The following SPAG5 variants were observed in gnomAD, a reference collection of about 807,000 sequenced individuals.
The protein encoded by SPAG5 is sperm-associated antigen 5.
Under a neutral mutation model 145.4 loss-of-function variants are expected in SPAG5, and 99 were observed. That is an observed-to-expected ratio of 0.68 (90% confidence interval 0.58 to 0.80). SPAG5 has a LOEUF of 0.80. Among genes scored for constraint, SPAG5 ranks in the 30% least tolerant of loss-of-function variants. The pLI is 0.00. For synonymous variants in SPAG5, 477 were observed against 525.4 expected, an observed-to-expected ratio of 0.91 and a Z score of 1.26; for missense variants, 1,192 against 1,416.0, an observed-to-expected ratio of 0.84 and a Z score of 2.54.
At position 28,578,482 on chromosome 17, in the gene SPAG5, G is replaced by A. The variant is rs143024358; in HGVS notation, c.3245C>T (p.Ala1082Val). Residue 1082 changes from alanine (A) to valine (V), a missense_variant, in exon 21 of 24, where the codon GCG (alanine) becomes GTG (valine). Transcript: ENST00000321765. The part of the protein sequence containing the change: ...VTHLTRSLRR[A>V]ETETKVLQEA... Reference sequence around the variant, plus strand: ...CTGGAGCACTTTGGTCTCTGTCTCCGCACGCCGAAGTGAGCGGGTAAGGTG... The same window carrying A: ...CTGGAGCACTTTGGTCTCTGTCTCCACACGCCGAAGTGAGCGGGTAAGGTG... 5,508 of 1,612,702 alleles carry A rather than the reference G, an allele frequency of 3.4e-3. 24 individuals are homozygous for A. The highest frequency in any genetic ancestry group is 8.0e-3 in the South Asian group (731 of 91,088).
Position 28,577,622 on chromosome 17 carries a change from T to C in SPAG5, c.*77A>G. 6.4e-6 allele frequency: 6 copies of C among 939,532 alleles called. No individual in the cohort carries two copies. Among genetic ancestry groups the C allele is most frequent in the East Asian group, 2.4e-5 (1 of 41,944 alleles). 58.2% of individuals were successfully genotyped at this position (939,532 alleles called of 1,614,324 possible). A position where few individuals can be genotyped will look rare whatever the true frequency, so the allele number is the denominator to read the frequency against. On this transcript the variant is annotated 3_prime_UTR_variant, in exon 24 of 24. Transcript: ENST00000321765. ...ATAGCATTTATCTCAGTTGGCTCTA[T>C]GCCAGTTGGTCTTGGTATTGGGGTA...
At chr17:28,579,615 T>A in intron 17 of SPAG5, 130 bp from the exon 18 acceptor site, 1 of 1,397,408 alleles carries the variant, frequency 7.2e-7, no homozygotes, top group Non-Finnish European at 1.0e-6. Context: ...ACATTACAGA[T>A]CCCAGAAGGC....
Position 28,599,010 on chromosome 17 carries a change from G to T in SPAG5, c.-64C>A. 1 of 1,530,632 alleles carries T rather than the reference G, an allele frequency of 6.5e-7. No individual in the cohort carries two copies. The highest frequency in any genetic ancestry group is 9.1e-7 in the Non-Finnish European group (1 of 1,104,782). 94.8% of individuals were successfully genotyped at this position (1,530,632 alleles called of 1,614,324 possible). On this transcript the variant is annotated 5_prime_UTR_variant, in exon 1 of 24. Coordinates refer to ENST00000321765, the MANE Select transcript of SPAG5 (RefSeq NM_006461.4). ...GTCGAGGACGCCATGTTCACCCGCC[G>T]TCTGTGTTTGAACCTGCTCTGCGCT...
intron 2 of SPAG5, among the ~76,000 whole-genome samples, chr17:28,595,637 T>G (rs2070658865): frequency 6.6e-6 from 1 of 151,466 alleles, no homozygotes; most frequent in Non-Finnish European, 1.5e-5. Flanking sequence ...TAATCCCAGC[T>G]ACTGGGGAGG....
intron 2 of SPAG5, 49 bp from the exon 3 acceptor site, chr17:28,593,115 C>A: frequency 6.3e-7 from 1 of 1,583,666 alleles, no homozygotes; most frequent in Non-Finnish European, 8.6e-7. Context: ...ATTCAGTTCC[C>A]GACATACAAT....
At position 28,593,723 on chromosome 17, in the gene SPAG5, C is replaced by CAA. The variant is rs544637496; in HGVS notation, c.178-659_178-658dup. On this transcript the variant is annotated intron_variant, in intron 2 of 23. Transcript: ENST00000321765. ...TGGGTGACAGAGCAAAACCCTGTCTCAAAAAAAAATAAATAAATAAATAAA... is the reference window on the plus strand; with the variant it reads ...TGGGTGACAGAGCAAAACCCTGTCTCAAAAAAAAAAATAAATAAATAAATAAA... Among the ~76,000 whole-genome samples the CAA allele has an allele frequency of 1.5e-3, 225 of 145,254 alleles. 1 individual carries two copies. The highest frequency in any genetic ancestry group is 5.5e-3 in the African/African-American group (214 of 39,262).
At chr17:28,593,181 A>C in intron 2 of SPAG5, 115 bp from the exon 3 acceptor site, 1 of 1,305,272 alleles carries the variant, frequency 7.7e-7, no homozygotes. Flanking sequence ...ACCTCTGCTT[A>C]GGTAAGAACT....
chr17:28,582,832 A>G (rs1367360933), intron 15 of SPAG5: 1 of 152,228 alleles, frequency 6.6e-6, no homozygotes, highest in African/African-American at 2.4e-5. Context: ...GGTTGAAGAG[A>G]CCAGGTATCC....
chr17:28,584,561 C>T (rs1413655141), intron 11 of SPAG5, 81 bp from the exon 12 acceptor site: 49 of 1,598,846 alleles, frequency 3.1e-5, no homozygotes, highest in Non-Finnish European at 3.8e-5. Context: ...GCAAGTGCTC[C>T]TGAGTACTTC....
intron 7 of SPAG5, 102 bp from the exon 8 acceptor site, chr17:28,585,755 G>A: frequency 6.2e-7 from 1 of 1,605,034 alleles, no homozygotes; most frequent in Non-Finnish European, 8.5e-7. Context: ...TACTGCCCAG[G>A]GCAGGCAGTT....
chr17:28,579,640 C>T, intron 17 of SPAG5, 111 bp downstream of exon 17: 2 of 1,385,818 alleles, frequency 1.4e-6, no homozygotes, highest in Non-Finnish European at 2.0e-6. Context: ...ATAAAATGAG[C>T]CCAAGTAGAA....
Position 28,578,470 on chromosome 17 carries a change from G to A in SPAG5, c.3257C>T (p.Thr1086Ile). ...TGCCAGGGCCTCCTGGAGCACTTTGGTCTCTGTCTCCGCACGCCGAAGTGA... is the reference window on the plus strand; with the variant it reads ...TGCCAGGGCCTCCTGGAGCACTTTGATCTCTGTCTCCGCACGCCGAAGTGA... Reference protein sequence around the residue: ...TRSLRRAETETKVLQEALAGQ... With the variant: ...TRSLRRAETEIKVLQEALAGQ... Residue 1086 changes from threonine (T) to isoleucine (I), a missense_variant, in exon 21 of 24, where the codon ACC becomes ATC. Transcript: ENST00000321765. The A allele has an allele frequency of 1.9e-6, 3 of 1,613,564 alleles. No homozygotes were observed. Among genetic ancestry groups the A allele is most frequent in the Non-Finnish European group, 2.5e-6 (3 of 1,180,028 alleles).
Position 28,585,090 on chromosome 17 carries a change from CT to C in SPAG5, c.2067+11del. The C allele has an allele frequency of 3.1e-6, 5 of 1,609,996 alleles. No individual in the cohort carries two copies. Among genetic ancestry groups the C allele is most frequent in the Non-Finnish European group, 4.3e-6 (5 of 1,176,206 alleles). On this transcript the variant is annotated intron_variant, in intron 10 of 23. Transcript: ENST00000321765. ...AAACCAAGCCTAAGCAGTCCCCACT[CT>C]TGGTTTGTACCTCCTGCTTTTCCTC...
In SPAG5 at chr17:28,577,745, A is replaced by G; in HGVS notation, c.3536T>C (p.Val1179Ala). 1 of 1,613,944 alleles carries G rather than the reference A, an allele frequency of 6.2e-7. No individual in the cohort carries two copies. The highest frequency in any genetic ancestry group is 1.3e-5 in the African/African-American group (1 of 75,012). ...YKTLLSIPEVVRGCKELQGLL... is the reference protein window; with the variant it reads ...YKTLLSIPEVARGCKELQGLL... ...TCCCTGTAGTTCTTTGCATCCCCTCACCACCTCTGGAATAGAGAGCAGGGT... is the reference window on the plus strand; with the variant it reads ...TCCCTGTAGTTCTTTGCATCCCCTCGCCACCTCTGGAATAGAGAGCAGGGT... The change falls in exon 24 of 24, where the codon GTG (valine) becomes GCG (alanine). Residue 1179 changes from valine (V) to alanine (A), a missense_variant. Val to Ala is a moderately conservative substitution (Grantham distance 64, BLOSUM62 0). This residue lies in a region of SPAG5 where 709 missense variants were observed against 840.7 expected (regional missense o/e 0.84). Coordinates refer to ENST00000321765, the MANE Select transcript of SPAG5 (RefSeq NM_006461.4).
chr17:28,586,231 G>C, intron 5 of SPAG5, 49 bp from the exon 6 acceptor site: 1 of 1,489,930 alleles, frequency 6.7e-7, no homozygotes, highest in East Asian at 2.3e-5. Context: ...TCACTAAGCA[G>C]GAAACAGGGG....
intron 15 of SPAG5, among the ~76,000 whole-genome samples, chr17:28,583,033 C>A (rs1364171095): frequency 1.3e-5 from 2 of 152,096 alleles, no homozygotes; most frequent in East Asian, 3.9e-4. Flanking sequence ...AAAAAATTAG[C>A]CAGGTATGAT....
At chr17:28,583,810 A>G in intron 14 of SPAG5, 43 bp downstream of exon 14, 1 of 1,581,024 alleles carries the variant, frequency 6.3e-7, no homozygotes, top group Non-Finnish European at 8.6e-7. Context: ...CCTGAGAAAA[A>G]AATAAGCACT....
chr17:28,593,988 GAT>G (rs890163651), intron 2 of SPAG5, among the ~76,000 whole-genome samples: 23 of 151,998 alleles, frequency 1.5e-4, no homozygotes, highest in Admixed American at 6.5e-4. Context: ...TTAAAGCAAA[GAT>G]AAAAATATAA....
chr17:28,596,123 T>A (rs1025127951), intron 2 of SPAG5, among the ~76,000 whole-genome samples: 2 of 151,780 alleles, frequency 1.3e-5, no homozygotes, highest in African/African-American at 4.9e-5. Flanking sequence ...GAAAATTGCT[T>A]GAATCCGGGA....
Sources: allele counts gnomAD v4.1 joint callset (sites outside exome capture counted in the v4.1 genomes callset), GRCh38; gene constraint gnomAD v4.1.1; regional missense constraint gnomAD v4.1.1; transcripts MANE v1.5; gene names NCBI Gene and HGNC (gene_info 2026-07-23, HGNC 2026-07-21).